Variants in DLGAP3 observed in about 807,000 individuals in gnomAD.
DLGAP3 encodes the protein DLG associated protein 3.
DLGAP3 carries 17 observed loss-of-function variants against 81.2 expected under a neutral mutation model. The observed-to-expected ratio is 0.21, with a 90% CI of 0.14 to 0.31. DLGAP3 has a LOEUF of 0.31. DLGAP3 is among the 10% of genes least tolerant of loss of function. The pLI is 1.00. For synonymous variants in DLGAP3, 577 were observed against 587.4 expected, an observed-to-expected ratio of 0.98 and a Z score of 0.26; for missense variants, 1,124 against 1,388.0, an observed-to-expected ratio of 0.81 and a Z score of 3.02.
At chr1:34,875,488 T>G (rs879647762) in intron 8 of DLGAP3, among the ~76,000 whole-genome samples, 6 of 152,220 alleles carry the variant, frequency 3.9e-5, no homozygotes, top group Non-Finnish European at 8.8e-5. Flanking sequence ...GGTTTTTGTT[T>G]CTTTATTTTG....
rs765322873 is a variant in DLGAP3 at position 34,868,704 on chromosome 1, C to T, written c.2386G>A (p.Glu796Lys). 5.0e-6 allele frequency: 8 copies of T among 1,611,354 alleles called. No homozygotes were observed. The highest frequency in any genetic ancestry group is 4.5e-5 in the East Asian group (2 of 44,894). ...GCCCGCAGCATCTTGATGAACCACTCGCCGTCGCGTGGGCAGGGGGATGCG... is the reference window on the plus strand; with the variant it reads ...GCCCGCAGCATCTTGATGAACCACTTGCCGTCGCGTGGGCAGGGGGATGCG... ...GRASPCPRDGEWFIKMLRAEV... is the reference protein window; with the variant it reads ...GRASPCPRDGKWFIKMLRAEV... The change falls in exon 9 of 12, where the codon GAG (glutamate) becomes AAG (lysine). Residue 796 changes from glutamate (E) to lysine (K), a missense_variant. By Grantham distance (56) the Glu-to-Lys change is moderately conservative. Around this residue, in one of 9 missense-constraint regions of DLGAP3, gnomAD observed 379 missense variants for 455.7 expected, o/e 0.83. Transcript: ENST00000373347. This position sits in a 1 kb window ranked among gnomAD's most constrained non-coding sequence, Gnocchi z 7.5.
chr1:34,901,933 G>A (rs770909003), intron 3 of DLGAP3, among the ~76,000 whole-genome samples: 10 of 152,212 alleles, frequency 6.6e-5, no homozygotes, highest in Non-Finnish European at 1.0e-4. Context: ...AACCTCAGAA[G>A]GGAGAACAGT....
intron 1 of DLGAP3, among the ~76,000 whole-genome samples, chr1:34,912,481 C>T (rs1011023490): frequency 1.3e-5 from 2 of 152,192 alleles, no homozygotes; most frequent in Admixed American, 1.3e-4. Flanking sequence ...GGGAGAGCTA[C>T]AAGCTGGACA....
At chr1:34,899,882 G>A in intron 4 of DLGAP3, 141 bp from the exon 5 acceptor site, 1 of 950,606 alleles carries the variant, frequency 1.1e-6, no homozygotes, top group Non-Finnish European at 1.6e-6. Context: ...CCTGGGTAAA[G>A]AGACTCCCAA....
At position 34,900,086 on chromosome 1, in the gene DLGAP3, A is replaced by C; in HGVS notation, c.1295T>G (p.Val432Gly). 1 of 1,613,478 alleles carries C rather than the reference A, an allele frequency of 6.2e-7. No individual in the cohort carries two copies. Among genetic ancestry groups the C allele is most frequent in the Non-Finnish European group, 8.5e-7 (1 of 1,179,984 alleles). ...TCCTTACTTGATCCTGGCCTGGTCC[A>C]CGCTGGAGGAGCGACGGGTGGTGAA... Reference protein sequence around the residue: ...RRFTTRRSSSVDQARINCCVP... With the variant: ...RRFTTRRSSSGDQARINCCVP... Residue 432 changes from valine to glycine, a missense_variant, in exon 4 of 12, where the codon GTG (valine) becomes GGG (glycine). This residue lies in a region of DLGAP3 where 357 missense variants were observed against 408.8 expected (regional missense o/e 0.87). Transcript: ENST00000373347. The surrounding 1 kb of genome is among the most constrained non-coding windows in gnomAD (Gnocchi z 5.6).
chr1:34,904,378 T>C lies in DLGAP3; in HGVS notation c.1006A>G (p.Met336Val). Reference sequence around the variant, plus strand: ...TATCCATCCCGGCCCTGGCTGACCATCATGGTATGCCAGGCACTTCGCTTG... The same window carrying C: ...TATCCATCCCGGCCCTGGCTGACCACCATGGTATGCCAGGCACTTCGCTTG... ...SVKRSAWHTM[M>V]VSQGRDGYPG... is the part of the protein sequence containing the mutation. Residue 336 changes from methionine (M) to valine (V), a missense_variant, in exon 3 of 12, where the codon ATG becomes GTG. By Grantham distance (21) the Met-to-Val change is conservative. This residue lies in a region of DLGAP3 where 357 missense variants were observed against 408.8 expected (regional missense o/e 0.87). Transcript: ENST00000373347. This position sits in a 1 kb window ranked among gnomAD's most constrained non-coding sequence, Gnocchi z 8.1. The C allele has an allele frequency of 6.2e-7, 1 of 1,613,638 alleles. No individual in the cohort carries two copies. Among genetic ancestry groups the C allele is most frequent in the Non-Finnish European group, 8.5e-7 (1 of 1,180,000 alleles).
rs138066467 is a variant in DLGAP3, at chr1:34,900,574, T to A, written c.1108-301A>T. 6.2e-3 allele frequency among the ~76,000 whole-genome samples: 938 copies of A among 152,360 alleles called. 6 individuals are homozygous for A. The highest frequency in any genetic ancestry group is 0.02 in the African/African-American group (836 of 41,600). ...GCCAAAGTGACCTGTGTCAATCCCA[T>A]GCCCAGCAGTCAGGCATCACCTGAC... On this transcript the variant is annotated intron_variant, in intron 3 of 11. Coordinates refer to ENST00000373347, the MANE Select transcript of DLGAP3 (RefSeq NM_001080418.3). The surrounding 1 kb of genome is among the most constrained non-coding windows in gnomAD (Gnocchi z 5.6).
chr1:34,925,142 C>T (rs182026742), intron 1 of DLGAP3, among the ~76,000 whole-genome samples: 32 of 152,014 alleles, frequency 2.1e-4, no homozygotes, highest in African/African-American at 6.5e-4. Flanking sequence ...CTCTCCCCTG[C>T]CCCTCCCACT....
At chr1:34,927,788 C>T (rs1639897932) in intron 1 of DLGAP3, among the ~76,000 whole-genome samples, 1 of 151,894 alleles carries the variant, frequency 6.6e-6, no homozygotes, top group East Asian at 1.9e-4. Flanking sequence ...AGGGCAGTGC[C>T]CCCAGGGTCA....
chr1:34,884,546 T>C (rs1041799484), intron 8 of DLGAP3, among the ~76,000 whole-genome samples: 1 of 152,210 alleles, frequency 6.6e-6, no homozygotes, highest in African/African-American at 2.4e-5. Context: ...AGGAGTGTTA[T>C]ATCTGCCAGG....
At chr1:34,910,281 C>T (rs1392943283) in intron 1 of DLGAP3, among the ~76,000 whole-genome samples, 4 of 152,190 alleles carry the variant, frequency 2.6e-5, no homozygotes, top group Admixed American at 1.3e-4. Flanking sequence ...GCACTGCTAA[C>T]GAATCCAACT....
At chr1:34,869,181 A>T in intron 8 of DLGAP3, 92 bp from the exon 9 acceptor site, 1 of 931,806 alleles carries the variant, frequency 1.1e-6, no homozygotes, top group South Asian at 1.7e-5. Context: ...GGAATGAGAA[A>T]GGGAACCTAC....
intron 1 of DLGAP3, among the ~76,000 whole-genome samples, chr1:34,928,921 AC>A (rs1639913086): frequency 6.6e-6 from 1 of 151,558 alleles, no homozygotes; most frequent in Non-Finnish European, 1.5e-5. Flanking sequence ...CGCTGCATAC[AC>A]CCACTAACAT....
At chr1:34,907,735 A>T (rs1639578285) in intron 1 of DLGAP3, among the ~76,000 whole-genome samples, 1 of 152,124 alleles carries the variant, frequency 6.6e-6, no homozygotes, top group Non-Finnish European at 1.5e-5. Flanking sequence ...GCCCTCAAAT[A>T]TGATTCCATT....
At chr1:34,924,382 C>T (rs1557508660) in intron 1 of DLGAP3, among the ~76,000 whole-genome samples, 1 of 152,158 alleles carries the variant, frequency 6.6e-6, no homozygotes, top group Non-Finnish European at 1.5e-5. Context: ...ATCTTCCTCC[C>T]CAACAAAAGT....
At position 34,869,341 on chromosome 1, in the gene DLGAP3, T is replaced by C. The variant is rs147859461; in HGVS notation, c.2001-252A>G. On this transcript the variant is annotated intron_variant, in intron 8 of 11. Transcript: ENST00000373347. ...TTCAGTCCATGGACAGAGCAGATGC[T>C]GGCATATACCAGGCAGAGCAGGCAC... Among the ~76,000 whole-genome samples the C allele has an allele frequency of 3.0e-3, 451 of 152,290 alleles. 1 individual carries two copies. Among genetic ancestry groups the C allele is most frequent in the Admixed American group, 5.9e-3 (90 of 15,300 alleles).
intron 1 of DLGAP3, among the ~76,000 whole-genome samples, chr1:34,924,690 A>C (rs1184477932): frequency 6.6e-6 from 1 of 152,116 alleles, no homozygotes; most frequent in Non-Finnish European, 1.5e-5. Flanking sequence ...AGGAGATGAG[A>C]TCTCACAGGC....
At chr1:34,915,200 T>C (rs1251074787) in intron 1 of DLGAP3, among the ~76,000 whole-genome samples, 4 of 152,310 alleles carry the variant, frequency 2.6e-5, no homozygotes, top group South Asian at 4.1e-4. Flanking sequence ...TAAAATGGGA[T>C]CACAATACCT....
Position 34,900,150 on chromosome 1 carries a change from C to T in DLGAP3, c.1231G>A (p.Gly411Ser), listed in dbSNP as rs146586197. Residue 411 changes from glycine to serine, a missense_variant, in exon 4 of 12, where the codon GGC becomes AGC. Physicochemically the swap from Gly to Ser is moderately conservative, Grantham distance 56. Transcript: ENST00000373347. This position sits in a 1 kb window ranked among gnomAD's most constrained non-coding sequence, Gnocchi z 5.6. ...GCTTTGGGAGATGTCTTGGGGCTGC[C>T]GTCTGAGTCTCCGCTCTCCTCATCC... is the stretch of plus-strand genomic sequence containing the variant. ...MGDEESGDSD[G>S]SPKTSPKAVA... 5 of 1,614,062 alleles carry T rather than the reference C, an allele frequency of 3.1e-6. No individual in the cohort carries two copies. Among genetic ancestry groups the T allele is most frequent in the East Asian group, 4.5e-5 (2 of 44,878 alleles).
Sources: gnomAD v4.1 joint callset for allele counts (sites outside exome capture counted in the v4.1 genomes callset) on GRCh38, gnomAD v4.1.1 for gene constraint, gnomAD v4.1.1 regional missense constraint, Gnocchi (gnomAD v3.1) non-coding constraint, MANE v1.5 for transcripts, NCBI Gene and HGNC (gene_info 2026-07-23, HGNC 2026-07-21) for gene names.